Variants in PSD3 observed in about 807,000 individuals in gnomAD.
The protein encoded by PSD3 is PH and SEC7 domain-containing protein 3.
In PSD3, 49 loss-of-function variants were observed where a neutral mutation model predicts 105.5. That is an observed-to-expected ratio of 0.46 (90% confidence interval 0.37 to 0.59). PSD3 has a LOEUF of 0.59. Among genes scored for constraint, PSD3 ranks in the 20% least tolerant of loss-of-function variants. The probability of loss-of-function intolerance (pLI) is 0.00; values close to 1 mark genes in which losing one functional copy is unlikely to be tolerated. For synonymous variants in PSD3, 557 were observed against 457.8 expected (o/e 1.22, Z -2.77); for missense variants, 1,561 against 1,263.8 (o/e 1.24, Z -3.57).
At chr8:18,875,214 T>C (rs1229251770) in intron 2 of PSD3, among the ~76,000 whole-genome samples, 1 of 152,134 alleles carries the variant, frequency 6.6e-6, no homozygotes, top group Non-Finnish European at 1.5e-5. Flanking sequence ...TGGCCTGAAA[T>C]ATATTCTTAA....
At chr8:18,602,256 T>C (rs10100380) in intron 11 of PSD3, among the ~76,000 whole-genome samples, 1,903 of 152,240 alleles carry the variant, frequency 0.013, 52 homozygotes, top group African/African-American at 0.044. Context: ...AGTACATGTT[T>C]ACAAAATTTT....
intron 2 of PSD3, among the ~76,000 whole-genome samples, chr8:18,888,736 C>T (rs988659593): frequency 6.6e-6 from 1 of 152,186 alleles, no homozygotes; most frequent in African/African-American, 2.4e-5. Context: ...ACAACCTTTG[C>T]TGGCTTCATA....
intron 1 of PSD3, among the ~76,000 whole-genome samples, chr8:19,056,281 A>G (rs56953051): frequency 0.11 from 16,881 of 152,240 alleles, 1,156 homozygotes; most frequent in East Asian, 0.24. Flanking sequence ...AGCTTTGCAA[A>G]TAAAACTGAC....
chr8:18,809,831 C>T (rs1384243186), intron 4 of PSD3, among the ~76,000 whole-genome samples: 1 of 151,726 alleles, frequency 6.6e-6, no homozygotes, highest in Non-Finnish European at 1.5e-5. Context: ...TCTACTGATT[C>T]TTCTCTAACG....
At chr8:18,755,751 G>C (rs964271761) in intron 9 of PSD3, among the ~76,000 whole-genome samples, 1 of 143,842 alleles carries the variant, frequency 7.0e-6, no homozygotes, top group East Asian at 2.0e-4. Context: ...ACTTCTTTTT[G>C]GTAATTTTTT....
At chr8:19,017,746 T>C (rs1327345763), upstream of PSD3, among the ~76,000 whole-genome samples, 1 of 152,248 alleles carries the variant, frequency 6.6e-6, no homozygotes, top group African/African-American at 2.4e-5. Context: ...GAACTTCATT[T>C]TTTATTGCTA....
At chr8:18,647,653 AT>A (rs202230990) in intron 10 of PSD3, among the ~76,000 whole-genome samples, 5,540 of 124,220 alleles carry the variant, frequency 0.045, 87 homozygotes, top group East Asian at 0.086. Flanking sequence ...CCAATACATG[AT>A]TTTTTTTTTT....
intron 1 of PSD3, among the ~76,000 whole-genome samples, chr8:18,982,349 T>A (rs941034135): frequency 6.6e-6 from 1 of 152,212 alleles, no homozygotes; most frequent in African/African-American, 2.4e-5. Context: ...AAGTTATCCA[T>A]GAGGGTTGGA....
chr8:19,043,901 G>C (rs1020759099), intron 1 of PSD3, among the ~76,000 whole-genome samples: 17 of 152,218 alleles, frequency 1.1e-4, no homozygotes, highest in African/African-American at 3.4e-4. Context: ...GACTAAGACA[G>C]GCTTTAACTG....
chr8:18,549,114 G>A (rs1034859166), intron 15 of PSD3, among the ~76,000 whole-genome samples: 1 of 151,754 alleles, frequency 6.6e-6, no homozygotes, highest in African/African-American at 2.4e-5. Context: ...TCTGCCTTGA[G>A]GTAGGGGTGA....
chr8:18,765,350 A>T, intron 9 of PSD3, 99 bp downstream of exon 9: 1 of 1,130,910 alleles, frequency 8.8e-7, no homozygotes, highest in East Asian at 2.4e-5. Context: ...AAAAGCAAAA[A>T]GCAAAATACT....
At chr8:18,890,584 G>A (rs535123268) in intron 2 of PSD3, among the ~76,000 whole-genome samples, 45 of 152,218 alleles carry the variant, frequency 3.0e-4, no homozygotes, top group South Asian at 2.3e-3. Flanking sequence ...GTATACATAC[G>A]ACCCTCCCGG....
intron 2 of PSD3, among the ~76,000 whole-genome samples, chr8:18,914,130 G>A (rs1360832647): frequency 6.6e-6 from 1 of 151,322 alleles, no homozygotes; most frequent in African/African-American, 2.4e-5. Context: ...TCCAGATGGG[G>A]GATTATAAGA....
At chr8:18,544,885 G>A (rs1585209104) in intron 15 of PSD3, among the ~76,000 whole-genome samples, 1 of 152,132 alleles carries the variant, frequency 6.6e-6, no homozygotes, top group East Asian at 1.9e-4. Flanking sequence ...CCTTCAGAGA[G>A]GAAGGAGAGC....
chr8:18,870,513 C>G (rs779737959), intron 3 of PSD3, among the ~76,000 whole-genome samples: 1 of 152,014 alleles, frequency 6.6e-6, no homozygotes, highest in Non-Finnish European at 1.5e-5. Context: ...GGGAATATCA[C>G]CCACCGGGCC....
intron 2 of PSD3, among the ~76,000 whole-genome samples, chr8:18,905,399 C>T (rs1230969250): frequency 6.6e-6 from 1 of 152,188 alleles, no homozygotes; most frequent in African/African-American, 2.4e-5. Flanking sequence ...TCTCAGCTCA[C>T]TGTAACCTCC....
At chr8:18,779,890 G>A (rs1329595281) in intron 8 of PSD3, among the ~76,000 whole-genome samples, 2 of 152,122 alleles carry the variant, frequency 1.3e-5, no homozygotes, top group Non-Finnish European at 2.9e-5. Context: ...AAGAATACTT[G>A]TTCTGTAGCT....
chr8:18,731,683 T>G (rs1033500569), intron 9 of PSD3, among the ~76,000 whole-genome samples: 2 of 152,206 alleles, frequency 1.3e-5, no homozygotes, highest in South Asian at 4.1e-4. Context: ...AGAACAGTCA[T>G]GTGTTCTACT....
chr8:19,019,753 C>T (rs1302432963), intron 1 of PSD3, among the ~76,000 whole-genome samples: 1 of 152,292 alleles, frequency 6.6e-6, no homozygotes, highest in East Asian at 1.9e-4. Flanking sequence ...TGAGAGAATA[C>T]GTCTGACACA....
Sources: allele counts gnomAD v4.1 joint callset (sites outside exome capture counted in the v4.1 genomes callset), GRCh38; gene constraint gnomAD v4.1.1; transcripts MANE v1.5; gene names NCBI Gene and HGNC (gene_info 2026-07-23, HGNC 2026-07-21).